AP1S3: variants seen among roughly 807,000 people sequenced by gnomAD.
AP1S3 encodes the protein adaptor related protein complex 1 subunit sigma 3, also known as AP-1 complex subunit sigma-3.
Under a neutral mutation model 20.9 loss-of-function variants are expected in AP1S3, and 10 were observed. That is an observed-to-expected ratio of 0.48 (90% CI 0.29 to 0.81). The LOEUF is 0.81. Ranked by LOEUF, AP1S3 falls within the 30% of genes least tolerant of loss-of-function variation. AP1S3 has a pLI of 0.08. For missense variants in AP1S3, 154 were observed against 183.8 expected (o/e 0.84, Z 0.94); for synonymous variants, 41 against 61.5 (o/e 0.67, Z 1.56).
intron 1 of AP1S3, among the ~76,000 whole-genome samples, chr2:223,802,305 T>TA (rs1559139011): frequency 2.3e-5 from 3 of 130,036 alleles, no homozygotes; most frequent in African/African-American, 9.3e-5. Flanking sequence ...CAGTTTTATT[T>TA]TATTTTTTTT....
chr2:223,761,040 C>T (rs1690342377), intron 4 of AP1S3, among the ~76,000 whole-genome samples: 1 of 152,170 alleles, frequency 6.6e-6, no homozygotes, highest in Admixed American at 6.6e-5. Flanking sequence ...CTAAACACCA[C>T]ACTGGCTGCC....
intron 1 of AP1S3, among the ~76,000 whole-genome samples, chr2:223,834,571 T>C (rs771902066): frequency 2.6e-5 from 4 of 151,884 alleles, no homozygotes; most frequent in East Asian, 1.9e-4. Context: ...CTCTGGGTGA[T>C]AGAACAAGCC....
intron 1 of AP1S3, among the ~76,000 whole-genome samples, chr2:223,803,883 A>C (rs1278633441): frequency 2.6e-5 from 4 of 151,736 alleles, no homozygotes; most frequent in Non-Finnish European, 5.9e-5. Flanking sequence ...CCGTCTCAAA[A>C]AAAAAAAAAA....
At chr2:223,831,447 C>T (rs1481747241) in intron 1 of AP1S3, among the ~76,000 whole-genome samples, 1 of 152,084 alleles carries the variant, frequency 6.6e-6, no homozygotes, top group African/African-American at 2.4e-5. Flanking sequence ...AAATACATTT[C>T]CTTAGTCAGG....
rs1415731577 is a variant in AP1S3, at chr2:223,757,800, A to G, written c.*915T>C. 3 of 985,252 alleles carry G rather than the reference A, an allele frequency of 3.0e-6. No individual in the cohort carries two copies. In the African/African-American group the frequency reaches 5.2e-5, roughly 17 times the overall value. The allele number at this position is 985,252 out of a possible 1,614,324, so 61.0% of individuals were successfully genotyped here. On this transcript the variant is annotated 3_prime_UTR_variant, in exon 5 of 5. Coordinates refer to ENST00000396654, the MANE Select transcript of AP1S3 (RefSeq NM_001039569.2). ...CTTAAATGCTCTAAGTAAGCCATGTAATAAGTCTTCAAATGCATTAGAGAT... is the reference window on the plus strand; with the variant it reads ...CTTAAATGCTCTAAGTAAGCCATGTGATAAGTCTTCAAATGCATTAGAGAT...
chr2:223,830,636 T>C (rs1344966801), intron 1 of AP1S3, among the ~76,000 whole-genome samples: 1 of 152,164 alleles, frequency 6.6e-6, no homozygotes, highest in Non-Finnish European at 1.5e-5. Flanking sequence ...ATATACCCAG[T>C]GTGGAAGGAA....
intron 1 of AP1S3, among the ~76,000 whole-genome samples, chr2:223,785,501 T>C (rs940560271): frequency 1.3e-5 from 2 of 152,232 alleles, no homozygotes; most frequent in African/African-American, 4.8e-5. Context: ...TTCTTCTTTG[T>C]ACTTGTCTGG....
intron 4 of AP1S3, among the ~76,000 whole-genome samples, chr2:223,763,614 C>T (rs1440012341): frequency 6.6e-6 from 1 of 152,204 alleles, no homozygotes; most frequent in Non-Finnish European, 1.5e-5. Flanking sequence ...CTCCCTGTGG[C>T]ATTTGGAGAC....
chr2:223,767,667 T>C (rs1311791087), intron 3 of AP1S3, among the ~76,000 whole-genome samples: 1 of 151,980 alleles, frequency 6.6e-6, no homozygotes, highest in Non-Finnish European at 1.5e-5. Flanking sequence ...TAGTCCAATA[T>C]TCTCACCCAC....
At chr2:223,830,172 T>G (rs1038421095) in intron 1 of AP1S3, among the ~76,000 whole-genome samples, 1 of 152,076 alleles carries the variant, frequency 6.6e-6, no homozygotes, top group Non-Finnish European at 1.5e-5. Context: ...AATATATTAG[T>G]GTGTTAATAC....
At chr2:223,810,907 T>C (rs1370749206) in intron 1 of AP1S3, among the ~76,000 whole-genome samples, 2 of 152,190 alleles carry the variant, frequency 1.3e-5, no homozygotes, top group Non-Finnish European at 2.9e-5. Context: ...AAGTGCATCA[T>C]CTTTTTATTA....
chr2:223,804,983 G>A (rs755606502), intron 1 of AP1S3, among the ~76,000 whole-genome samples: 2 of 152,320 alleles, frequency 1.3e-5, no homozygotes, highest in African/African-American at 4.8e-5. Context: ...ACAACCGTGA[G>A]TCAAATGAAA....
At chr2:223,770,063 C>T in intron 3 of AP1S3, 1 of 1,373,114 alleles carries the variant, frequency 7.3e-7, no homozygotes, top group East Asian at 2.6e-5. Context: ...TTTTTAAAAA[C>T]CGTATATGTT....
intron 1 of AP1S3, among the ~76,000 whole-genome samples, chr2:223,828,435 T>C (rs1387174928): frequency 1.3e-5 from 2 of 152,004 alleles, no homozygotes; most frequent in Admixed American, 6.6e-5. Flanking sequence ...TAACCGGGGT[T>C]ATAGGCGTGC....
intron 1 of AP1S3, among the ~76,000 whole-genome samples, chr2:223,836,462 G>C (rs548534955): frequency 6.6e-6 from 1 of 152,216 alleles, no homozygotes; most frequent in African/African-American, 2.4e-5. Context: ...ACACCATGCC[G>C]GGTGCAGTGG....
At chr2:223,805,001 G>A (rs2106113703) in intron 1 of AP1S3, among the ~76,000 whole-genome samples, 1 of 152,194 alleles carries the variant, frequency 6.6e-6, no homozygotes, top group East Asian at 1.9e-4. Context: ...AAAATAACCT[G>A]TAAGAAAATA....
chr2:223,770,974 T>TC lies in AP1S3; in HGVS notation c.291+4926dup, dbSNP rs540065430. 6.9e-3 allele frequency among the ~76,000 whole-genome samples: 1,051 copies of TC among 151,364 alleles called. 7 individuals carry two copies. Among genetic ancestry groups the TC allele is most frequent in the Non-Finnish European group, 8.6e-3 (586 of 67,804 alleles). The stretch of plus-strand genomic sequence containing the variant: ...GTCTTGAACTCCTGACCTTAAGTGA[T>TC]CCCCCCCACCTTGGCCTCCCAAAGT... On this transcript the variant is annotated intron_variant, in intron 3 of 4. Coordinates refer to ENST00000396654, the MANE Select transcript of AP1S3 (RefSeq NM_001039569.2).
chr2:223,792,697 G>T (rs1013017385), intron 1 of AP1S3, among the ~76,000 whole-genome samples: 2 of 152,094 alleles, frequency 1.3e-5, no homozygotes, highest in African/African-American at 4.8e-5. Context: ...AAAAGCAATT[G>T]CAATAAAAGC....
At chr2:223,836,148 A>G (rs1408525333) in intron 1 of AP1S3, among the ~76,000 whole-genome samples, 1 of 152,140 alleles carries the variant, frequency 6.6e-6, no homozygotes, top group Non-Finnish European at 1.5e-5. Context: ...TTCTTAGCCC[A>G]CGTGGCCCAC....
Sources: gnomAD v4.1 joint callset for allele counts (sites outside exome capture counted in the v4.1 genomes callset) on GRCh38, gnomAD v4.1.1 for gene constraint, MANE v1.5 for transcripts, NCBI Gene and HGNC (gene_info 2026-07-23, HGNC 2026-07-21) for gene names.